The following C12orf54 variants were observed in gnomAD, a reference collection of about 807,000 sequenced individuals.
C12orf54 encodes chromosome 12 open reading frame 54.
Under a neutral mutation model 26.4 loss-of-function variants are expected in C12orf54, and 24 were observed. That is an observed-to-expected ratio of 0.91 (90% CI 0.66 to 1.28). The LOEUF (loss-of-function observed/expected upper bound fraction) is 1.28. C12orf54 is among the 50% of genes most tolerant of loss of function. C12orf54 has a pLI of 0.00. For synonymous variants in C12orf54, 54 were observed against 47.0 expected (o/e 1.15, Z -0.61); for missense variants, 154 against 150.9 (o/e 1.02, Z -0.11).
chr12:48,417,947 G>T, the C12orf54 span, among the ~76,000 whole-genome samples: 2 of 152,146 alleles, frequency 1.3e-5, no homozygotes, highest in Non-Finnish European at 2.9e-5. Context: ...GTATTCCATG[G>T]TGTATATGTG....
In C12orf54 at chr12:48,486,735, A is replaced by G. The variant is rs781051265; in HGVS notation, c.135+9A>G. 7.4e-6 allele frequency: 12 copies of G among 1,611,608 alleles called. No homozygotes were observed. On this transcript the variant is annotated intron_variant, in intron 4 of 8. Coordinates refer to ENST00000548364, the MANE Select transcript of C12orf54 (RefSeq NM_152319.4). ...AAACCCTGTGGGACCAGGTGAGTAC[A>G]GAGGAATCATTTTTGACAGCATGGC...
At chr12:48,428,195 CCCT>C in the C12orf54 span, among the ~76,000 whole-genome samples, 1 of 151,904 alleles carries the variant, frequency 6.6e-6, no homozygotes, top group Non-Finnish European at 1.5e-5. Flanking sequence ...AAGTTCATAG[CCCT>C]AAACACCTAC....
At chr12:48,416,933 G>A in the C12orf54 span, among the ~76,000 whole-genome samples, 1 of 152,082 alleles carries the variant, frequency 6.6e-6, no homozygotes, top group African/African-American at 2.4e-5. Flanking sequence ...TGAGATGGGT[G>A]TCTGATTAAA....
chr12:48,424,670 A>G, the C12orf54 span, among the ~76,000 whole-genome samples: 1 of 152,120 alleles, frequency 6.6e-6, no homozygotes, highest in Non-Finnish European at 1.5e-5. Flanking sequence ...TTAAACACAT[A>G]CTTACCATGT....
At chr12:48,456,275 T>C in the C12orf54 span, among the ~76,000 whole-genome samples, 1 of 152,202 alleles carries the variant, frequency 6.6e-6, no homozygotes, top group Non-Finnish European at 1.5e-5. Flanking sequence ...AAAGTTATAC[T>C]GACAGCTGTA....
At chr12:48,463,357 T>G in the C12orf54 span, among the ~76,000 whole-genome samples, 1 of 151,822 alleles carries the variant, frequency 6.6e-6, no homozygotes, top group Non-Finnish European at 1.5e-5. Flanking sequence ...ACATACACCC[T>G]CCCAAGACTG....
At chr12:48,437,827 CT>C in the C12orf54 span, among the ~76,000 whole-genome samples, 4 of 152,082 alleles carry the variant, frequency 2.6e-5, no homozygotes, top group Non-Finnish European at 4.4e-5. Flanking sequence ...GAAGCATTCC[CT>C]TTGAAAACTG....
chr12:48,436,570 G>T, the C12orf54 span, among the ~76,000 whole-genome samples: 1 of 152,158 alleles, frequency 6.6e-6, no homozygotes, highest in Non-Finnish European at 1.5e-5. Context: ...AGACCACAGT[G>T]CAATCAAACT....
the C12orf54 span, among the ~76,000 whole-genome samples, chr12:48,422,410 T>G: frequency 2.6e-5 from 4 of 152,380 alleles, no homozygotes; most frequent in South Asian, 6.2e-4. Context: ...AAAATGCATC[T>G]GACTAATTGG....
At chr12:48,472,520 T>C in the C12orf54 span, 2 of 876,856 alleles carry the variant, frequency 2.3e-6, no homozygotes, top group Non-Finnish European at 3.4e-6. Context: ...TGGGAGATAA[T>C]AGATTTTGGG....
the C12orf54 span, among the ~76,000 whole-genome samples, chr12:48,458,050 T>C: frequency 6.6e-6 from 1 of 152,226 alleles, no homozygotes; most frequent in African/African-American, 2.4e-5. Flanking sequence ...TGGCCTGTGC[T>C]TTACTTCCCT....
At chr12:48,448,872 G>A in the C12orf54 span, among the ~76,000 whole-genome samples, 1 of 152,210 alleles carries the variant, frequency 6.6e-6, no homozygotes, top group Non-Finnish European at 1.5e-5. Flanking sequence ...TGTGCCCAAG[G>A]TGGTCAGGTG....
the C12orf54 span, among the ~76,000 whole-genome samples, chr12:48,424,951 G>A: frequency 6.6e-6 from 1 of 152,048 alleles, no homozygotes; most frequent in Non-Finnish European, 1.5e-5. Context: ...CAATGGAAAT[G>A]TTCTGTATTA....
At chr12:48,454,161 G>A in the C12orf54 span, among the ~76,000 whole-genome samples, 3 of 140,892 alleles carry the variant, frequency 2.1e-5, no homozygotes, top group South Asian at 4.5e-4. Context: ...GAAGTCGTGC[G>A]ATCTCAGCTC....
intron 2 of C12orf54, among the ~76,000 whole-genome samples, chr12:48,484,088 G>A (rs181082867): frequency 1.7e-4 from 26 of 152,296 alleles, no homozygotes; most frequent in African/African-American, 6.3e-4. Flanking sequence ...CCATCTATTT[G>A]GGAGGCTGAG....
At chr12:48,445,361 C>G in the C12orf54 span, among the ~76,000 whole-genome samples, 1 of 151,978 alleles carries the variant, frequency 6.6e-6, no homozygotes, top group Non-Finnish European at 1.5e-5. Context: ...ATTTCACCAA[C>G]TGGACAGGTT....
the C12orf54 span, among the ~76,000 whole-genome samples, chr12:48,476,225 T>C: frequency 6.6e-6 from 1 of 152,160 alleles, no homozygotes; most frequent in Non-Finnish European, 1.5e-5. Context: ...AGGCCTGCCC[T>C]AAAAGAGCTC....
At chr12:48,447,371 G>A in the C12orf54 span, among the ~76,000 whole-genome samples, 6 of 152,062 alleles carry the variant, frequency 3.9e-5, no homozygotes, top group African/African-American at 1.2e-4. Context: ...GTTGCTTAAG[G>A]CACTAGACTA....
chr12:48,418,108 C>G, the C12orf54 span, among the ~76,000 whole-genome samples: 1 of 152,166 alleles, frequency 6.6e-6, no homozygotes, highest in Non-Finnish European at 1.5e-5. Flanking sequence ...CTGATTGAAG[C>G]CATGAATTTA....
Sources: allele counts gnomAD v4.1 joint callset (sites outside exome capture counted in the v4.1 genomes callset), GRCh38; gene constraint gnomAD v4.1.1; transcripts MANE v1.5; gene names NCBI Gene and HGNC (gene_info 2026-07-23, HGNC 2026-07-21).